The following BNC2 variants were observed in gnomAD, a reference collection of about 807,000 sequenced individuals.
The protein encoded by BNC2 is basonuclin zinc finger protein 2.
A neutral mutation model predicts 76.3 loss-of-function variants in BNC2; 20 were observed. That is an observed-to-expected ratio of 0.26 (90% CI 0.18 to 0.38). The LOEUF (loss-of-function observed/expected upper bound fraction) is 0.38. Ranked by LOEUF, BNC2 falls within the 10% of genes least tolerant of loss-of-function variation. BNC2 has a pLI of 1.00. For missense variants in BNC2, 1,382 were observed against 1,399.8 expected, an observed-to-expected ratio of 0.99 and a Z score of 0.20; for synonymous variants, 582 against 514.8, an observed-to-expected ratio of 1.13 and a Z score of -1.77.
intron 1 of BNC2, among the ~76,000 whole-genome samples, chr9:16,821,639 A>C (rs1818332677): frequency 6.6e-6 from 1 of 152,122 alleles, no homozygotes; most frequent in African/African-American, 2.4e-5. Flanking sequence ...GGAGCTTGGG[A>C]AAGAGTATTA....
chr9:16,735,074 G>A (rs940122559), intron 2 of BNC2, among the ~76,000 whole-genome samples: 2 of 152,156 alleles, frequency 1.3e-5, no homozygotes, highest in East Asian at 3.8e-4. Flanking sequence ...ATCCCTTGAT[G>A]CACTACAAAA....
intron 3 of BNC2, among the ~76,000 whole-genome samples, chr9:16,598,435 ACT>A (rs1156993141): frequency 2.0e-5 from 3 of 152,238 alleles, no homozygotes; most frequent in Non-Finnish European, 4.4e-5. Context: ...GCATGTATTT[ACT>A]AGCAGAATAT....
chr9:16,642,572 C>T (rs1456224247), intron 3 of BNC2, among the ~76,000 whole-genome samples: 2 of 152,200 alleles, frequency 1.3e-5, no homozygotes, highest in East Asian at 3.9e-4. Flanking sequence ...CTTCTGAGGA[C>T]ACAAAATCTT....
chr9:16,431,431 C>G (rs758151525), intron 6 of BNC2: 30 of 470,022 alleles, frequency 6.4e-5, no homozygotes, highest in Non-Finnish European at 1.2e-4. Context: ...ACGCTCTCTT[C>G]AAGAGAATCT....
At chr9:16,560,568 C>T (rs534521534) in intron 4 of BNC2, among the ~76,000 whole-genome samples, 22 of 151,838 alleles carry the variant, frequency 1.4e-4, no homozygotes, top group African/African-American at 4.8e-4. Flanking sequence ...AAAAAATTAA[C>T]GAGCCAGGCA....
chr9:16,530,623 G>A (rs1182809063), intron 5 of BNC2, among the ~76,000 whole-genome samples: 1 of 152,232 alleles, frequency 6.6e-6, no homozygotes, highest in Admixed American at 6.5e-5. Context: ...ATAATGCTGA[G>A]AGAAATATCT....
intron 3 of BNC2, among the ~76,000 whole-genome samples, chr9:16,590,959 G>C (rs989389648): frequency 7.2e-5 from 11 of 152,200 alleles, no homozygotes; most frequent in Admixed American, 2.0e-4. Flanking sequence ...TGGATGCAGA[G>C]AGTGATCTTA....
chr9:16,748,386 G>A (rs940649672), intron 1 of BNC2, among the ~76,000 whole-genome samples: 7 of 152,070 alleles, frequency 4.6e-5, no homozygotes, highest in African/African-American at 1.7e-4. Flanking sequence ...GGTGGTACGT[G>A]CCAATGGTCC....
chr9:16,474,646 T>C (rs992105229), intron 5 of BNC2, among the ~76,000 whole-genome samples: 4 of 152,114 alleles, frequency 2.6e-5, no homozygotes, highest in Non-Finnish European at 2.9e-5. Flanking sequence ...GTTTTGAAAA[T>C]TGCCTTACTG....
chr9:16,800,894 G>A (rs890056269), intron 1 of BNC2, among the ~76,000 whole-genome samples: 4 of 152,092 alleles, frequency 2.6e-5, no homozygotes, highest in African/African-American at 9.7e-5. Flanking sequence ...AAAAAAAAGG[G>A]AAGCTATTCT....
chr9:16,825,791 A>G (rs1818440431), intron 1 of BNC2, among the ~76,000 whole-genome samples: 1 of 152,204 alleles, frequency 6.6e-6, no homozygotes, highest in Non-Finnish European at 1.5e-5. Flanking sequence ...TTTTCATTAG[A>G]AATTATGATT....
chr9:16,706,931 G>A (rs1203566390), intron 3 of BNC2, among the ~76,000 whole-genome samples: 3 of 152,200 alleles, frequency 2.0e-5, no homozygotes, highest in South Asian at 2.1e-4. Context: ...GGCTGGGCGC[G>A]GAGGCTCACG....
chr9:16,621,817 A>T (rs895730801), intron 3 of BNC2, among the ~76,000 whole-genome samples: 3 of 152,134 alleles, frequency 2.0e-5, no homozygotes, highest in Non-Finnish European at 4.4e-5. Flanking sequence ...AAAAGAAAAG[A>T]AAATGTCTCG....
chr9:16,495,859 T>TAGGC (rs780790104), intron 5 of BNC2, among the ~76,000 whole-genome samples: 11 of 152,074 alleles, frequency 7.2e-5, no homozygotes, highest in Non-Finnish European at 1.3e-4. Context: ...TACCCTGGAC[T>TAGGC]AGGCAGGCTC....
intron 4 of BNC2, among the ~76,000 whole-genome samples, chr9:16,562,378 C>T (rs1022376981): frequency 7.2e-5 from 11 of 152,130 alleles, no homozygotes; most frequent in African/African-American, 2.7e-4. Context: ...GTAAGTGATG[C>T]CCACTCTTTT....
At chr9:16,842,076 C>T (rs1818844858) in intron 1 of BNC2, among the ~76,000 whole-genome samples, 1 of 152,192 alleles carries the variant, frequency 6.6e-6, no homozygotes, top group African/African-American at 2.4e-5. Flanking sequence ...TCCCAAAGTG[C>T]TGGTATTACA....
chr9:16,677,606 C>G (rs191215559), intron 3 of BNC2, among the ~76,000 whole-genome samples: 22 of 151,398 alleles, frequency 1.5e-4, no homozygotes, highest in African/African-American at 4.2e-4. Flanking sequence ...CACACACACA[C>G]AGTAGCAATA....
chr9:16,802,237 G>A (rs756228564), intron 1 of BNC2, among the ~76,000 whole-genome samples: 1 of 152,206 alleles, frequency 6.6e-6, no homozygotes, highest in Non-Finnish European at 1.5e-5. Flanking sequence ...AAGAGAGATA[G>A]TAATTATTGC....
At chr9:16,463,040 T>C (rs1449379232) in intron 5 of BNC2, among the ~76,000 whole-genome samples, 2 of 152,108 alleles carry the variant, frequency 1.3e-5, no homozygotes, top group African/African-American at 4.8e-5. Context: ...ATTACTCCAC[T>C]GGCCTCTCTC....
Sources: gnomAD v4.1 joint callset for allele counts (sites outside exome capture counted in the v4.1 genomes callset) on GRCh38, gnomAD v4.1.1 for gene constraint, MANE v1.5 for transcripts, NCBI Gene and HGNC (gene_info 2026-07-23, HGNC 2026-07-21) for gene names.